The following VPS13B variants were observed in gnomAD, a reference collection of about 807,000 sequenced individuals.
VPS13B encodes the protein vacuolar protein sorting 13 homolog B, also known as intermembrane lipid transfer protein VPS13B.
Under a neutral mutation model 426.4 loss-of-function variants are expected in VPS13B, and 285 were observed. That is an observed-to-expected ratio of 0.67 (90% CI 0.61 to 0.74). The LOEUF (loss-of-function observed/expected upper bound fraction) is 0.74, where lower values mean the gene tolerates loss of function less well. Among genes scored for constraint, VPS13B ranks in the 30% least tolerant of loss-of-function variants. The probability of loss-of-function intolerance (pLI) is 0.00; values close to 1 mark genes in which losing one functional copy is unlikely to be tolerated. For missense variants in VPS13B, 4,537 were observed against 4,782.6 expected (o/e 0.95, Z 1.51); for synonymous variants, 1,676 against 1,676.4 (o/e 1.00, Z 0.01).
intron 17 of VPS13B, among the ~76,000 whole-genome samples, chr8:99,208,181 T>A (rs10091793): frequency 6.6e-6 from 1 of 151,982 alleles, no homozygotes; most frequent in Non-Finnish European, 1.5e-5. Flanking sequence ...GGAGGTGTCA[T>A]GCACTTTAAA....
chr8:99,125,017 T>C (rs1294523063), intron 8 of VPS13B, among the ~76,000 whole-genome samples: 1 of 152,118 alleles, frequency 6.6e-6, no homozygotes, highest in Non-Finnish European at 1.5e-5. Flanking sequence ...GATGATGTTC[T>C]CTAGAGGGAC....
chr8:99,060,038 G>T (rs1488522976), intron 3 of VPS13B, among the ~76,000 whole-genome samples: 1 of 152,002 alleles, frequency 6.6e-6, no homozygotes. Flanking sequence ...GCAGGCCAAG[G>T]TTTAGCTTCT....
At chr8:99,144,862 A>G (rs186080252) in intron 13 of VPS13B, among the ~76,000 whole-genome samples, 3 of 152,332 alleles carry the variant, frequency 2.0e-5, no homozygotes, top group African/African-American at 7.2e-5. Flanking sequence ...GAGAAGAAAA[A>G]TAAAAGGAAG....
At chr8:99,641,687 C>A in intron 33 of VPS13B, 124 bp from the exon 34 acceptor site, 3 of 900,072 alleles carry the variant, frequency 3.3e-6, no homozygotes, top group Non-Finnish European at 4.8e-6. Context: ...TTTCTGATTA[C>A]TGTTTTAAGT....
At chr8:99,573,123 A>C (rs1191991764) in intron 31 of VPS13B, among the ~76,000 whole-genome samples, 1 of 152,096 alleles carries the variant, frequency 6.6e-6, no homozygotes, top group African/African-American at 2.4e-5. Context: ...GTCTGTTCAT[A>C]TCTTTTGCCC....
intron 30 of VPS13B, among the ~76,000 whole-genome samples, chr8:99,553,742 A>G (rs1257648678): frequency 1.3e-5 from 2 of 152,064 alleles, no homozygotes; most frequent in Non-Finnish European, 2.9e-5. Flanking sequence ...TTAACTTTTA[A>G]GTTGGATTTA....
At chr8:99,597,761 A>G (rs1340690147) in intron 33 of VPS13B, among the ~76,000 whole-genome samples, 1 of 152,016 alleles carries the variant, frequency 6.6e-6, no homozygotes, top group African/African-American at 2.4e-5. Context: ...TGAGCAAAAT[A>G]AACCTAAACA....
intron 54 of VPS13B, among the ~76,000 whole-genome samples, chr8:99,845,056 T>A (rs1213022670): frequency 2.0e-5 from 3 of 152,182 alleles, no homozygotes; most frequent in Non-Finnish European, 4.4e-5. Context: ...ACTGAATATC[T>A]TACCACTTCA....
chr8:99,575,541 C>T, intron 31 of VPS13B, 117 bp from the exon 32 acceptor site: 1 of 1,315,968 alleles, frequency 7.6e-7, no homozygotes, highest in Non-Finnish European at 1.1e-6. Context: ...TAGGCACTCT[C>T]AAAATAATAA....
intron 17 of VPS13B, among the ~76,000 whole-genome samples, chr8:99,208,700 C>T (rs1814885473): frequency 6.6e-6 from 1 of 152,072 alleles, no homozygotes; most frequent in Non-Finnish European, 1.5e-5. Context: ...CAAATGAAAT[C>T]ATGATAAAAG....
intron 5 of VPS13B, among the ~76,000 whole-genome samples, chr8:99,109,955 T>C (rs1000529899): frequency 1.3e-5 from 2 of 152,010 alleles, no homozygotes; most frequent in Admixed American, 6.6e-5. Flanking sequence ...CAGGATATCT[T>C]TTTTTTTCTC....
intron 1 of VPS13B, among the ~76,000 whole-genome samples, 198 bp from the exon 2 acceptor site, chr8:99,013,562 C>T (rs1378399023): frequency 2.6e-5 from 4 of 152,204 alleles, no homozygotes; most frequent in Admixed American, 1.3e-4. Context: ...GTCTTCCTCC[C>T]TCACTTCGCT....
chr8:99,819,656 A>C (rs932460338), intron 48 of VPS13B, 74 bp downstream of exon 48: 1 of 1,503,460 alleles, frequency 6.7e-7, no homozygotes, highest in Non-Finnish European at 9.1e-7. Context: ...AAAATATTAA[A>C]TACCATAAGT....
chr8:99,543,114 A>C (rs1198053946), intron 30 of VPS13B, among the ~76,000 whole-genome samples: 2 of 152,206 alleles, frequency 1.3e-5, no homozygotes, highest in Non-Finnish European at 1.5e-5. Context: ...CAAAACAGAG[A>C]TATAGATCAA....
At chr8:99,054,595 T>C (rs1843732295) in intron 3 of VPS13B, among the ~76,000 whole-genome samples, 1 of 152,244 alleles carries the variant, frequency 6.6e-6, no homozygotes, top group Admixed American at 6.5e-5. Context: ...TAACTTTTAT[T>C]GCTAGTGCTT....
At chr8:99,310,951 T>C (rs1271144162) in intron 19 of VPS13B, among the ~76,000 whole-genome samples, 1 of 152,230 alleles carries the variant, frequency 6.6e-6, no homozygotes, top group African/African-American at 2.4e-5. Flanking sequence ...TTCTAATTTA[T>C]TTGCGTAGAG....
chr8:99,511,769 A>G lies in VPS13B; in HGVS notation c.4633+257A>G, dbSNP rs569017636. ...TCTTCAGGGCTTTTGCCAGTAAAGC[A>G]TATATATACTTTGTGTTAATTGTTT... On this transcript the variant is annotated intron_variant, in intron 29 of 61. Coordinates refer to ENST00000357162, the MANE Select transcript of VPS13B (RefSeq NM_152564.5). Among the ~76,000 whole-genome samples, 8 of 152,340 alleles carry G rather than the reference A, an allele frequency of 5.3e-5. No individual in the cohort carries two copies. In the East Asian group the frequency reaches 5.8e-4, roughly 11 times the overall value.
intron 31 of VPS13B, among the ~76,000 whole-genome samples, chr8:99,563,918 TTAATA>T (rs1447564284): frequency 6.6e-6 from 1 of 152,214 alleles, no homozygotes; most frequent in Non-Finnish European, 1.5e-5. Flanking sequence ...AAATAGGACT[TTAATA>T]TAATTCTGTT....
intron 61 of VPS13B, 91 bp downstream of exon 61, chr8:99,871,788 C>T (rs1817429654): frequency 1.9e-6 from 3 of 1,599,624 alleles, no homozygotes; most frequent in East Asian, 2.2e-5. Context: ...TTCTGAGCTG[C>T]AGCCTCTGGA....
Sources: allele counts gnomAD v4.1 joint callset (sites outside exome capture counted in the v4.1 genomes callset), GRCh38; gene constraint gnomAD v4.1.1; transcripts MANE v1.5; gene names NCBI Gene and HGNC (gene_info 2026-07-23, HGNC 2026-07-21).